Variants in MYO15A observed in about 807,000 individuals in gnomAD.
The protein encoded by MYO15A is unconventional myosin-XV.
Under a neutral mutation model 394.6 loss-of-function variants are expected in MYO15A, and 308 were observed. The ratio of observed to expected loss-of-function variants is 0.78; its 90% CI spans 0.71 to 0.86. The LOEUF (loss-of-function observed/expected upper bound fraction) is 0.86, where lower values mean the gene tolerates loss of function less well. MYO15A is among the 40% of genes least tolerant of loss of function. The probability of loss-of-function intolerance (pLI) is 0.00; values close to 1 mark genes in which losing one functional copy is unlikely to be tolerated. For missense variants in MYO15A, 4,606 were observed against 4,799.1 expected (o/e 0.96, Z 1.19); for synonymous variants, 1,957 against 2,003.8 (o/e 0.98, Z 0.62).
chr17:18,123,921 A>G (rs1004917223), intron 2 of MYO15A: 2 of 171,206 alleles, frequency 1.2e-5, no homozygotes, highest in South Asian at 3.0e-4. Flanking sequence ...GCCGGGCCCC[A>G]CAGGCCTGCG....
chr17:18,112,235 T>C (rs1359116447), intron 1 of MYO15A, among the ~76,000 whole-genome samples: 1 of 151,126 alleles, frequency 6.6e-6, no homozygotes, highest in African/African-American at 2.4e-5. Context: ...CTCTCTCTGC[T>C]TCACTTTCAA....
At chr17:18,171,423 A>G (rs2046938220) in intron 62 of MYO15A, among the ~76,000 whole-genome samples, 1 of 152,154 alleles carries the variant, frequency 6.6e-6, no homozygotes, top group Non-Finnish European at 1.5e-5. Context: ...TTAACTGCAA[A>G]CAGGGATCCT....
Position 18,141,648 on chromosome 17 carries a change from A to G in MYO15A, c.5532-5A>G. On this transcript the variant is annotated splice_region_variant and splice_polypyrimidine_tract_variant and intron_variant, in intron 22 of 65. Coordinates refer to ENST00000647165, the MANE Select transcript of MYO15A (RefSeq NM_016239.4). ...GCCCCAGACTAACTTTGGGCCCCCT[A>G]CCAGGTACTGCTGTCTAGTGGCCCT... is the stretch of plus-strand genomic sequence containing the variant. 6.2e-7 allele frequency: 1 copy of G among 1,613,622 alleles called. No individual in the cohort carries two copies. Among genetic ancestry groups the G allele is most frequent in the Non-Finnish European group, 8.5e-7 (1 of 1,179,726 alleles).
chr17:18,142,869 G>A (rs2046407269), intron 25 of MYO15A, 29 bp downstream of exon 25: 2 of 1,586,866 alleles, frequency 1.3e-6, no homozygotes, highest in Non-Finnish European at 1.7e-6. Context: ...CTGGGTCCAA[G>A]GGGACAGCAG....
intron 4 of MYO15A, 75 bp downstream of exon 4, chr17:18,125,306 C>G (rs1055224522): frequency 2.1e-6 from 3 of 1,425,726 alleles, no homozygotes; most frequent in Non-Finnish European, 3.0e-6. Flanking sequence ...GTGGGACGCA[C>G]AGATTTCTCT....
At chr17:18,114,069 C>T (rs954975692) in intron 1 of MYO15A, among the ~76,000 whole-genome samples, 3 of 152,028 alleles carry the variant, frequency 2.0e-5, no homozygotes, top group African/African-American at 7.3e-5. Context: ...AGAGAGATCC[C>T]CAGGGGTGGA....
At position 18,119,796 on chromosome 17, in the gene MYO15A, C is replaced by G. The variant is rs759523751; in HGVS notation, c.996C>G (p.Tyr332Ter). 3.3e-5 allele frequency: 53 copies of G among 1,613,002 alleles called. No individual in the cohort carries two copies. The highest frequency in any genetic ancestry group is 4.2e-5 in the Non-Finnish European group (50 of 1,179,998). The change falls in exon 2 of 66, where the codon TAC becomes TAG. Residue 332 changes from tyrosine to a stop codon, truncating the protein, a stop_gained. Transcript: ENST00000647165. LOFTEE classifies it high-confidence loss of function. ...CTCCTTACAGCTACCACGATGGGTA[C>G]GAGGGCGAGGCGCACCCTTATGGCT... ...YSSPYSYHDG[Y>*]EGEAHPYGYY...
rs2047055947 is a variant in MYO15A at position 18,179,180 on chromosome 17, C to T, written c.*310C>T. The T allele has an allele frequency of 2.1e-6, 1 of 474,616 alleles. No homozygotes were observed. Among genetic ancestry groups the T allele is most frequent in the South Asian group, 2.1e-5 (1 of 47,676 alleles). 29.4% of individuals were successfully genotyped at this position (474,616 alleles called of 1,614,324 possible). ...CATGTACCCATTGCAGACCCTGCCC[C>T]TAACTCCTGCCTATGACACAGAAGC... is the stretch of plus-strand genomic sequence containing the variant. On this transcript the variant is annotated 3_prime_UTR_variant, in exon 66 of 66. Coordinates refer to ENST00000647165, the MANE Select transcript of MYO15A (RefSeq NM_016239.4).
At position 18,148,583 on chromosome 17, in the gene MYO15A, T is replaced by C; in HGVS notation, c.6764+15T>C. The C allele has an allele frequency of 5.2e-6, 8 of 1,551,240 alleles. No homozygotes were observed. Among genetic ancestry groups the C allele is most frequent in the Middle Eastern group, 1.7e-4 (1 of 5,992 alleles). ...CTGAGGCACAGGTTGGCTCCTAGGATGCCCTCCCAGCACACTCTTATGTAC... is the reference window on the plus strand; with the variant it reads ...CTGAGGCACAGGTTGGCTCCTAGGACGCCCTCCCAGCACACTCTTATGTAC... On this transcript the variant is annotated intron_variant, in intron 32 of 65. Transcript: ENST00000647165. This position sits in a 1 kb window ranked among gnomAD's most constrained non-coding sequence, Gnocchi z 4.8.
intron 7 of MYO15A, among the ~76,000 whole-genome samples, chr17:18,127,887 T>A (rs1189781162): frequency 1.3e-5 from 2 of 149,704 alleles, no homozygotes; most frequent in Non-Finnish European, 3.0e-5. Flanking sequence ...ATTATGTGTA[T>A]GTGAAAGGGT....
intron 51 of MYO15A, 30 bp downstream of exon 51, chr17:18,157,930 G>GGGGGGGGGGGGGC: frequency 2.3e-6 from 1 of 429,326 alleles, no homozygotes; most frequent in Non-Finnish European, 4.2e-6. Flanking sequence ...GGTGGGGCGG[G>GGGGGGGGGGGGGC]GTAGACCAGG....
chr17:18,145,425 A>G (rs1422147518), intron 29 of MYO15A, among the ~76,000 whole-genome samples: 2 of 152,192 alleles, frequency 1.3e-5, no homozygotes, highest in African/African-American at 4.8e-5. Context: ...AGAATATGGC[A>G]GTTGTAGGCC....
At position 18,142,068 on chromosome 17, in the gene MYO15A, C is replaced by A; in HGVS notation, c.5650-11C>A. The A allele has an allele frequency of 6.2e-7, 1 of 1,611,884 alleles. No homozygotes were observed. Among genetic ancestry groups the A allele is most frequent in the South Asian group, 1.1e-5 (1 of 91,074 alleles). On this transcript the variant is annotated splice_polypyrimidine_tract_variant and intron_variant, in intron 23 of 65. Coordinates refer to ENST00000647165, the MANE Select transcript of MYO15A (RefSeq NM_016239.4). ...CTCCTATCTGCCTCAGTGCCTTCCT[C>A]CTGTCCTTAGCTGTTCCTTAAGGAA...
rs375627187 is a variant in MYO15A, at chr17:18,131,239, A to T, written c.4039A>T (p.Ile1347Phe). ...QKREVMQQIK[I>F]LEATPLLESF... is the part of the protein sequence containing the mutation. ...TCCCACATCTCCTTCTGGAGTCCAG[A>T]TCCTGGAGGCAACACCCCTCTTGGA... Residue 1347 changes from isoleucine to phenylalanine, a missense_variant and splice_region_variant, in exon 9 of 66, where the codon ATC (isoleucine) becomes TTC (phenylalanine). Ile to Phe is a conservative substitution (Grantham distance 21). Around this residue, in one of 2 missense-constraint regions of MYO15A, gnomAD observed 2,776 missense variants for 3,109.3 expected, o/e 0.89. Transcript: ENST00000647165. 6.2e-6 allele frequency: 10 copies of T among 1,613,670 alleles called. No individual in the cohort carries two copies. Among genetic ancestry groups the T allele is most frequent in the African/African-American group, 1.3e-5 (1 of 74,914 alleles).
In MYO15A at chr17:18,121,823, C is replaced by G. The variant is rs143316414; in HGVS notation, c.3023C>G (p.Thr1008Ser). Residue 1008 changes from threonine to serine, a missense_variant, in exon 2 of 66, where the codon ACC (threonine) becomes AGC (serine). By Grantham distance (58) the Thr-to-Ser change is moderately conservative. Coordinates refer to ENST00000647165, the MANE Select transcript of MYO15A (RefSeq NM_016239.4). The surrounding 1 kb of genome is among the most constrained non-coding windows in gnomAD (Gnocchi z 5.3). The part of the protein sequence containing the change: ...PGQLTKSAGP[T>S]PEKPEEEATL... ...CAGCTCACCAAATCAGCTGGCCCAA[C>G]CCCTGAGAAGCCTGAAGAAGAGGCC... 3,275 of 1,612,874 alleles carry G rather than the reference C, an allele frequency of 2.0e-3. 54 individuals are homozygous for G. In the African/African-American group the frequency reaches 0.039, roughly 19 times the overall value.
chr17:18,130,246 A>G (rs779923499), intron 7 of MYO15A, among the ~76,000 whole-genome samples: 10 of 152,158 alleles, frequency 6.6e-5, no homozygotes, highest in Non-Finnish European at 1.0e-4. Flanking sequence ...AGGTCTGTGT[A>G]GACGCTGGGG....
At chr17:18,126,641 C>A in intron 5 of MYO15A, 150 bp from the exon 6 acceptor site, 1 of 1,134,246 alleles carries the variant, frequency 8.8e-7, no homozygotes, top group South Asian at 1.3e-5. Flanking sequence ...CACTGTCGTT[C>A]AGACCAGGAT....
In MYO15A at chr17:18,150,497, T is replaced by C; in HGVS notation, c.7281T>C (p.Ser2427=). ...GAGGCCAGCCCGGTGGAGGCAGCAG[T>C]AGTGGTACTGAAGACACCCCCAGGA... The part of the protein sequence containing the change: ...KGGGQPGGGS[S]SGTEDTPRRP... Residue 2427 remains serine (S), a synonymous_variant, in exon 36 of 66, where the codon AGT becomes AGC. Transcript: ENST00000647165. This position sits in a 1 kb window ranked among gnomAD's most constrained non-coding sequence, Gnocchi z 4.4. 6.2e-7 allele frequency: 1 copy of C among 1,614,126 alleles called. No homozygotes were observed. The highest frequency in any genetic ancestry group is 8.5e-7 in the Non-Finnish European group (1 of 1,180,006).
At position 18,135,822 on chromosome 17, in the gene MYO15A, A is replaced by G; in HGVS notation, c.4594A>G (p.Thr1532Ala). The G allele has an allele frequency of 6.2e-7, 1 of 1,613,594 alleles. No individual in the cohort carries two copies. The highest frequency in any genetic ancestry group is 2.2e-5 in the East Asian group (1 of 44,870). The change falls in exon 13 of 66, where the codon ACC becomes GCC. Residue 1532 changes from threonine (T) to alanine (A), a missense_variant and splice_region_variant. Coordinates refer to ENST00000647165, the MANE Select transcript of MYO15A (RefSeq NM_016239.4). ...GCAGAAGGCCATCACCTTCAAAGTGACCGTGAGTCTGTGGGCATCTGGCCT... is the reference window on the plus strand; with the variant it reads ...GCAGAAGGCCATCACCTTCAAAGTGGCCGTGAGTCTGTGGGCATCTGGCCT... Reference protein sequence around the residue: ...GLQKAITFKVTETMREKIFTP... With the variant: ...GLQKAITFKVAETMREKIFTP...
Sources: allele counts gnomAD v4.1 joint callset (sites outside exome capture counted in the v4.1 genomes callset), GRCh38; gene constraint gnomAD v4.1.1; regional missense constraint gnomAD v4.1.1; non-coding constraint Gnocchi (gnomAD v3.1); transcripts MANE v1.5; gene names NCBI Gene and HGNC (gene_info 2026-07-23, HGNC 2026-07-21).